The following CTNNBL1 variants were observed in gnomAD, a reference collection of about 807,000 sequenced individuals.
The protein encoded by CTNNBL1 is beta-catenin-like protein 1.
Under a neutral mutation model 72.7 loss-of-function variants are expected in CTNNBL1, and 31 were observed. The ratio of observed to expected loss-of-function variants is 0.43; its 90% CI spans 0.32 to 0.58. The LOEUF (loss-of-function observed/expected upper bound fraction) is 0.58. Ranked by LOEUF, CTNNBL1 falls within the 20% of genes least tolerant of loss-of-function variation. The pLI, the probability that CTNNBL1 is intolerant of heterozygous loss-of-function variation, is 0.08. For synonymous variants in CTNNBL1, 240 were observed against 267.3 expected, an observed-to-expected ratio of 0.90 and a Z score of 1.00; for missense variants, 534 against 725.1, an observed-to-expected ratio of 0.74 and a Z score of 3.03.
At position 37,796,123 on chromosome 20, in the gene CTNNBL1, T is replaced by C. The variant is rs145456274; in HGVS notation, c.1032-6744T>C. Among the ~76,000 whole-genome samples the C allele has an allele frequency of 2.8e-3, 426 of 152,328 alleles. 7 individuals carry two copies. Among genetic ancestry groups the C allele is most frequent in the Middle Eastern group, 0.01 (3 of 294 alleles). On this transcript the variant is annotated intron_variant, in intron 10 of 15. Coordinates refer to ENST00000361383, the MANE Select transcript of CTNNBL1 (RefSeq NM_030877.5). ...CTGTGAATTAATAAGACTTTTCTAC[T>C]GTAACTGGTGGGAATACAAACTATT...
intron 11 of CTNNBL1, among the ~76,000 whole-genome samples, chr20:37,807,249 G>T (rs1234225682): frequency 6.6e-6 from 1 of 152,176 alleles, no homozygotes; most frequent in Non-Finnish European, 1.5e-5. Context: ...AGAGTCAGAT[G>T]AGATGACATG....
intron 4 of CTNNBL1, among the ~76,000 whole-genome samples, chr20:37,754,346 C>A: frequency 7.1e-6 from 1 of 140,710 alleles, no homozygotes; most frequent in East Asian, 2.2e-4. Context: ...GTTTCAAACT[C>A]CTGGACTCAG....
intron 4 of CTNNBL1, among the ~76,000 whole-genome samples, chr20:37,748,406 C>T (rs2073287437): frequency 6.6e-6 from 1 of 152,010 alleles, no homozygotes. Flanking sequence ...GTATAAGAAC[C>T]CTAGTTAGCT....
At chr20:37,762,598 T>C (rs1183834692) in intron 5 of CTNNBL1, among the ~76,000 whole-genome samples, 3 of 152,208 alleles carry the variant, frequency 2.0e-5, no homozygotes, top group Non-Finnish European at 2.9e-5. Flanking sequence ...CTTTAATCCC[T>C]AAGCAGGATT....
chr20:37,699,945 T>A (rs1266076872), intron 1 of CTNNBL1, among the ~76,000 whole-genome samples: 2 of 152,232 alleles, frequency 1.3e-5, no homozygotes, highest in Non-Finnish European at 2.9e-5. Context: ...TCACTTAATC[T>A]TCCTGGGCCT....
chr20:37,777,717 G>T lies in CTNNBL1; in HGVS notation c.882+5G>T. ...GTGCTTCTTCAGCAGTTATCCGTGAGTAATTCTTATGCTTCCTGTCTGCTG... is the reference window on the plus strand; with the variant it reads ...GTGCTTCTTCAGCAGTTATCCGTGATTAATTCTTATGCTTCCTGTCTGCTG... On this transcript the variant is annotated splice_donor_5th_base_variant and intron_variant, in intron 9 of 15. Coordinates refer to ENST00000361383, the MANE Select transcript of CTNNBL1 (RefSeq NM_030877.5). 6.2e-7 allele frequency: 1 copy of T among 1,613,400 alleles called. No homozygotes were observed. Among genetic ancestry groups the T allele is most frequent in the Non-Finnish European group, 8.5e-7 (1 of 1,179,406 alleles).
rs78627798 is a variant in CTNNBL1, at chr20:37,819,707, T to C, written c.1213+16659T>C. 7.4e-3 allele frequency among the ~76,000 whole-genome samples: 1,125 copies of C among 152,246 alleles called. 12 individuals carry two copies. Among genetic ancestry groups the C allele is most frequent in the African/African-American group, 0.025 (1,045 of 41,530 alleles). On this transcript the variant is annotated intron_variant, in intron 11 of 15. Coordinates refer to ENST00000361383, the MANE Select transcript of CTNNBL1 (RefSeq NM_030877.5). ...CATTCAGAATTATGATTGGCTTCCC[T>C]CCTACACCAGCCTGAGCAGACACTT...
chr20:37,824,024 T>C (rs1307820447), intron 11 of CTNNBL1, among the ~76,000 whole-genome samples: 3 of 152,148 alleles, frequency 2.0e-5, no homozygotes, highest in Non-Finnish European at 4.4e-5. Flanking sequence ...GGTAACTATA[T>C]AATATACTTT....
chr20:37,704,219 C>T (rs534314513), intron 1 of CTNNBL1, among the ~76,000 whole-genome samples: 50 of 152,266 alleles, frequency 3.3e-4, no homozygotes, highest in African/African-American at 1.1e-3. Context: ...GGGTATACCC[C>T]AGATTTGAAA....
At chr20:37,854,325 T>C (rs2072420383) in intron 13 of CTNNBL1, among the ~76,000 whole-genome samples, 1 of 152,040 alleles carries the variant, frequency 6.6e-6, no homozygotes, top group Admixed American at 6.6e-5. Context: ...TAGAGAAACT[T>C]AATTTTGCTA....
At chr20:37,859,854 C>T in intron 13 of CTNNBL1, 45 bp from the exon 14 acceptor site, 1 of 1,602,198 alleles carries the variant, frequency 6.2e-7, no homozygotes, top group Non-Finnish European at 8.5e-7. Context: ...TCTTTCCTCC[C>T]ATTCACTGTC....
At chr20:37,822,788 T>C (rs1295093206) in intron 11 of CTNNBL1, among the ~76,000 whole-genome samples, 1 of 152,146 alleles carries the variant, frequency 6.6e-6, no homozygotes, top group African/African-American at 2.4e-5. Context: ...GGGAGAATAA[T>C]TCACTCCAGG....
At chr20:37,832,805 T>C (rs572929405) in intron 11 of CTNNBL1, among the ~76,000 whole-genome samples, 159 of 126,266 alleles carry the variant, frequency 1.3e-3, no homozygotes, top group African/African-American at 4.3e-3. Context: ...TTTTTTTTTT[T>C]GAGAGTAGGG....
intron 15 of CTNNBL1, among the ~76,000 whole-genome samples, chr20:37,870,352 C>T (rs909733794): frequency 1.3e-5 from 2 of 152,050 alleles, no homozygotes; most frequent in African/African-American, 2.4e-5. Context: ...ACCCAGCTGT[C>T]GAAGTTTGTG....
intron 11 of CTNNBL1, among the ~76,000 whole-genome samples, chr20:37,818,915 CT>C (rs2072082268): frequency 6.6e-6 from 1 of 152,158 alleles, no homozygotes; most frequent in South Asian, 2.1e-4. Flanking sequence ...CTGTAATATA[CT>C]TTTCATATGT....
intron 1 of CTNNBL1, chr20:37,694,821 G>A (rs1431384198): frequency 2.6e-5 from 4 of 152,244 alleles, no homozygotes; most frequent in Non-Finnish European, 5.9e-5. Flanking sequence ...GGGACCTAGA[G>A]AGCAGAAAGG....
rs772076295 is a variant in CTNNBL1 at position 37,860,028 on chromosome 20, G to A, written c.1522G>A (p.Val508Ile). The A allele has an allele frequency of 1.2e-6, 2 of 1,614,164 alleles. No individual in the cohort carries two copies. The highest frequency in any genetic ancestry group is 3.3e-5 in the Admixed American group (2 of 60,036). Residue 508 changes from valine to isoleucine, a missense_variant, in exon 14 of 16, where the codon GTC (valine) becomes ATC (isoleucine). Val to Ile is a conservative substitution (Grantham distance 29, BLOSUM62 3). Coordinates refer to ENST00000361383, the MANE Select transcript of CTNNBL1 (RefSeq NM_030877.5). The part of the protein sequence containing the change: ...YIMAEICNAN[V>I]PQIRQRVHQI... ...CATGGCCGAGATCTGCAATGCCAAT[G>A]TCCCCCAGGTAGGAGGGTCTTCCCC...
intron 11 of CTNNBL1, among the ~76,000 whole-genome samples, chr20:37,832,713 G>T (rs751355099): frequency 2.6e-5 from 4 of 152,070 alleles, no homozygotes; most frequent in Admixed American, 6.6e-5. Flanking sequence ...TCATAAGCAG[G>T]CCCATCTATG....
At chr20:37,845,754 G>A (rs1051504743) in intron 13 of CTNNBL1, among the ~76,000 whole-genome samples, 1 of 152,124 alleles carries the variant, frequency 6.6e-6, no homozygotes, top group Non-Finnish European at 1.5e-5. Flanking sequence ...ACACCAATTG[G>A]GAGCTTAGCA....
Sources: gnomAD v4.1 joint callset for allele counts (sites outside exome capture counted in the v4.1 genomes callset) on GRCh38, gnomAD v4.1.1 for gene constraint, MANE v1.5 for transcripts, NCBI Gene and HGNC (gene_info 2026-07-23, HGNC 2026-07-21) for gene names.